LOC102723971: variants seen among roughly 807,000 people sequenced by gnomAD.
chr9:135,619,313 G>A, the LOC102723971 span, among the ~76,000 whole-genome samples: 8 of 152,284 alleles, frequency 5.3e-5, no homozygotes, highest in East Asian at 1.9e-4. Flanking sequence ...TGCCCGCAGC[G>A]CCAGAGGCCT....
chr9:135,617,482 T>C, the LOC102723971 span, among the ~76,000 whole-genome samples: 3 of 144,962 alleles, frequency 2.1e-5, no homozygotes, highest in Non-Finnish European at 4.5e-5. Flanking sequence ...TGGAGATAGA[T>C]GGGGCTGGGG....
At chr9:135,619,003 TG>T in the LOC102723971 span, 1 of 403,312 alleles carries the variant, frequency 2.5e-6, no homozygotes, top group Non-Finnish European at 4.4e-6. Context: ...CTCACCCCTC[TG>T]CTGCCCTCAG....
At chr9:135,617,245 C>A in the LOC102723971 span, among the ~76,000 whole-genome samples, 1 of 152,204 alleles carries the variant, frequency 6.6e-6, no homozygotes, top group Non-Finnish European at 1.5e-5. Context: ...GCAGGACGTG[C>A]ACTGCGGGCC....
At chr9:135,617,621 T>C in the LOC102723971 span, among the ~76,000 whole-genome samples, 1 of 152,122 alleles carries the variant, frequency 6.6e-6, no homozygotes, top group Non-Finnish European at 1.5e-5. Context: ...AGGCCGGAAC[T>C]TGGGACTCTC....
At chr9:135,616,032 T>C in the LOC102723971 span, among the ~76,000 whole-genome samples, 13 of 152,192 alleles carry the variant, frequency 8.5e-5, no homozygotes, top group African/African-American at 3.1e-4. Context: ...AGACGCTCAG[T>C]CGTAGACACA....
the LOC102723971 span, chr9:135,616,676 C>T: frequency 1.0e-5 from 4 of 398,578 alleles, no homozygotes; most frequent in African/African-American, 4.1e-5. Context: ...TGCCCCTGTC[C>T]GGGATCTGGG....
chr9:135,617,841 G>A, the LOC102723971 span: 15 of 396,030 alleles, frequency 3.8e-5, no homozygotes, highest in African/African-American at 1.9e-4. Flanking sequence ...TGGGGTGGCC[G>A]ATGCCCAGGG....
the LOC102723971 span, among the ~76,000 whole-genome samples, chr9:135,614,755 C>G: frequency 6.6e-4 from 101 of 152,158 alleles, no homozygotes; most frequent in African/African-American, 2.2e-3. Context: ...AGAGGCCAAC[C>G]CTGGATACAG....
chr9:135,614,395 G>T, the LOC102723971 span: 3 of 398,212 alleles, frequency 7.5e-6, no homozygotes, highest in East Asian at 1.1e-4. Flanking sequence ...CTGGAACAAC[G>T]GCTTGAGTGT....
the LOC102723971 span, chr9:135,616,866 GGA>G: frequency 8.5e-5 from 34 of 398,694 alleles, no homozygotes; most frequent in South Asian, 2.4e-3. Context: ...GGGGGACGGA[GGA>G]GAGAGGCATC....
chr9:135,619,339 TGAGTG>T, the LOC102723971 span, among the ~76,000 whole-genome samples: 5 of 152,090 alleles, frequency 3.3e-5, no homozygotes, highest in African/African-American at 1.2e-4. Flanking sequence ...ACTTATACAA[TGAGTG>T]GAGCACTGTA....
the LOC102723971 span, chr9:135,616,548 G>C: frequency 2.5e-6 from 1 of 398,618 alleles, no homozygotes; most frequent in East Asian, 3.6e-5. Flanking sequence ...GGACACAGTT[G>C]GAGGCTGACC....
the LOC102723971 span, chr9:135,616,443 C>G: frequency 2.5e-6 from 1 of 395,120 alleles, no homozygotes; most frequent in Admixed American, 4.4e-5. Flanking sequence ...AGCTGACGCC[C>G]CGGGGAGGAC....
At chr9:135,616,621 G>T in the LOC102723971 span, 18 of 398,580 alleles carry the variant, frequency 4.5e-5, no homozygotes, top group Non-Finnish European at 7.5e-5. Flanking sequence ...AAACATCACC[G>T]TCCATCCAAC....
chr9:135,615,203 C>A, the LOC102723971 span, among the ~76,000 whole-genome samples: 1 of 150,590 alleles, frequency 6.6e-6, no homozygotes, highest in African/African-American at 2.5e-5. Context: ...ACTAGCCAGC[C>A]TCTCCTGTCC....
the LOC102723971 span, among the ~76,000 whole-genome samples, chr9:135,615,713 C>T: frequency 6.6e-6 from 1 of 152,154 alleles, no homozygotes; most frequent in Admixed American, 6.5e-5. Flanking sequence ...CCAGCAGACA[C>T]GCCCACTGGG....
At chr9:135,614,942 G>A in the LOC102723971 span, among the ~76,000 whole-genome samples, 3 of 152,180 alleles carry the variant, frequency 2.0e-5, no homozygotes, top group Non-Finnish European at 2.9e-5. Context: ...GGAAGTGGGG[G>A]CAGCAAGTGG....
At chr9:135,614,998 C>T in the LOC102723971 span, among the ~76,000 whole-genome samples, 1 of 152,212 alleles carries the variant, frequency 6.6e-6, no homozygotes, top group Non-Finnish European at 1.5e-5. Flanking sequence ...CGGGAGGTGA[C>T]TCTTCCCAAG....
chr9:135,618,578 C>A, the LOC102723971 span, among the ~76,000 whole-genome samples: 1 of 151,954 alleles, frequency 6.6e-6, no homozygotes, highest in Non-Finnish European at 1.5e-5. Context: ...AGGAGCATGA[C>A]CGTGCTGTGT....
Sources: allele counts gnomAD v4.1 joint callset (sites outside exome capture counted in the v4.1 genomes callset), GRCh38; gene constraint gnomAD v4.1.1; transcripts MANE v1.5.